GASK1A: variants seen among roughly 807,000 people sequenced by gnomAD.
The protein encoded by GASK1A is Golgi-associated kinase 1A.
Under a neutral mutation model 41.2 loss-of-function variants are expected in GASK1A, and 40 were observed. The ratio of observed to expected loss-of-function variants is 0.97; its 90% CI spans 0.75 to 1.27. The LOEUF (loss-of-function observed/expected upper bound fraction) is 1.27, where lower values mean the gene tolerates loss of function less well. GASK1A is among the 50% of genes most tolerant of loss of function. The pLI is 0.00. For synonymous variants in GASK1A, 316 were observed against 307.1 expected (o/e 1.03, Z -0.30); for missense variants, 678 against 745.1 (o/e 0.91, Z 1.05).
chr3:43,024,035 G>A (rs180720785), intron 1 of GASK1A, among the ~76,000 whole-genome samples: 27 of 152,306 alleles, frequency 1.8e-4, no homozygotes, highest in African/African-American at 4.3e-4. Context: ...CATAACGTGG[G>A]TGTGTTCACT....
chr3:43,033,004 G>C lies in GASK1A; in HGVS notation c.741G>C (p.Leu247=). The C allele has an allele frequency of 1.0e-5, 16 of 1,551,704 alleles. No individual in the cohort carries two copies. The highest frequency in any genetic ancestry group is 1.4e-5 in the Non-Finnish European group (16 of 1,146,978). The change falls in exon 2 of 5, where the codon CTG becomes CTC. Residue 247 remains leucine (L), a synonymous_variant. Transcript: ENST00000430121. Reference sequence around the variant, plus strand: ...CAGTATGGTGTGATGCTGAGACGCTGTTGAGCAGCTCGAGGACTGGTGGGC... The same window carrying C: ...CAGTATGGTGTGATGCTGAGACGCTCTTGAGCAGCTCGAGGACTGGTGGGC... The part of the protein sequence containing the change: ...QGSVWCDAET[L]LSSSRTGGQA...
intron 1 of GASK1A, among the ~76,000 whole-genome samples, chr3:42,996,018 T>C (rs1363588274): frequency 1.3e-5 from 2 of 152,198 alleles, no homozygotes; most frequent in Non-Finnish European, 2.9e-5. Context: ...TGGAACAAAA[T>C]GCTAATTCAG....
rs11460959 is a variant in GASK1A, at chr3:43,057,480, GT to G, written c.*1102del. ...ACACTTGGCATTCTCAGACTTTTGG[GT>G]TTTTTTTGGCCTATTTAGGAGGAAA... On this transcript the variant is annotated 3_prime_UTR_variant, in exon 5 of 5. Coordinates refer to ENST00000430121, the MANE Select transcript of GASK1A (RefSeq NM_001129908.3). 1.3e-5 allele frequency: 2 copies of G among 151,886 alleles called. No homozygotes were observed. Among genetic ancestry groups the G allele is most frequent in the African/African-American group, 4.8e-5 (2 of 41,304 alleles). 9.4% of individuals were successfully genotyped at this position (151,886 alleles called of 1,614,324 possible). A position where few individuals can be genotyped will look rare whatever the true frequency, so the allele number is the denominator to read the frequency against.
intron 1 of GASK1A, among the ~76,000 whole-genome samples, chr3:43,000,995 C>A (rs1002222230): frequency 6.6e-6 from 1 of 152,094 alleles, no homozygotes; most frequent in Non-Finnish European, 1.5e-5. Context: ...GGTGGAGATG[C>A]CTGGGTGCCT....
At chr3:43,009,403 A>G (rs548572046) in intron 1 of GASK1A, among the ~76,000 whole-genome samples, 4 of 152,302 alleles carry the variant, frequency 2.6e-5, no homozygotes, top group Admixed American at 2.0e-4. Flanking sequence ...ATCTGGGCGC[A>G]TTGAAAATGC....
At chr3:43,048,850 A>G (rs1245772166) in intron 2 of GASK1A, among the ~76,000 whole-genome samples, 8 of 152,232 alleles carry the variant, frequency 5.3e-5, no homozygotes, top group Non-Finnish European at 7.3e-5. Flanking sequence ...CATCTACCAT[A>G]GTTTCAGAAC....
chr3:43,017,722 A>T (rs9824700), intron 1 of GASK1A, among the ~76,000 whole-genome samples: 1 of 151,692 alleles, frequency 6.6e-6, no homozygotes, highest in African/African-American at 2.4e-5. Context: ...GTGTGAAGCC[A>T]CAGGAAGGGG....
intron 1 of GASK1A, among the ~76,000 whole-genome samples, chr3:43,012,848 AGTCACAGGAAGGGGCAATGGG>A (rs1170740239): frequency 1.3e-5 from 2 of 150,082 alleles, no homozygotes; most frequent in African/African-American, 5.0e-5. Flanking sequence ...GGCAGTGTGA[AGTCACAGGAAGGGGCAATGGG>A]GTCACAGGAA....
At chr3:42,980,934 A>G (rs1165800835) in intron 1 of GASK1A, among the ~76,000 whole-genome samples, 2 of 152,214 alleles carry the variant, frequency 1.3e-5, no homozygotes, top group African/African-American at 2.4e-5. Context: ...GGCCACAGCC[A>G]TCCACTCCGA....
At chr3:43,036,096 C>G (rs2089602727) in intron 2 of GASK1A, among the ~76,000 whole-genome samples, 1 of 152,272 alleles carries the variant, frequency 6.6e-6, no homozygotes, top group South Asian at 2.1e-4. Context: ...CAGAGCCCCT[C>G]TGTTCACCTC....
chr3:42,986,666 C>G (rs1030109442), intron 1 of GASK1A, among the ~76,000 whole-genome samples: 2 of 152,124 alleles, frequency 1.3e-5, no homozygotes, highest in Non-Finnish European at 2.9e-5. Flanking sequence ...CTCGCCCCAC[C>G]AGCTAGGGGT....
chr3:43,020,441 C>A (rs1247731622), intron 1 of GASK1A, among the ~76,000 whole-genome samples: 1 of 152,164 alleles, frequency 6.6e-6, no homozygotes, highest in African/African-American at 2.4e-5. Context: ...CACCATCATC[C>A]TCATCACAGC....
At chr3:43,009,614 A>G (rs1459183425) in intron 1 of GASK1A, among the ~76,000 whole-genome samples, 1 of 152,236 alleles carries the variant, frequency 6.6e-6, no homozygotes, top group Non-Finnish European at 1.5e-5. Context: ...TTCCTCAGCC[A>G]TAAAATGGTA....
chr3:42,982,703 A>G (rs2089288448), intron 1 of GASK1A, among the ~76,000 whole-genome samples: 1 of 152,232 alleles, frequency 6.6e-6, no homozygotes, highest in African/African-American at 2.4e-5. Context: ...CTAAGTGGAA[A>G]TCAGAAAAAT....
chr3:42,980,017 T>G (rs936546768), intron 1 of GASK1A, among the ~76,000 whole-genome samples: 1 of 152,200 alleles, frequency 6.6e-6, no homozygotes, highest in African/African-American at 2.4e-5. Context: ...TGAAGTCATT[T>G]TAATACTCTC....
intron 2 of GASK1A, among the ~76,000 whole-genome samples, chr3:43,040,883 C>CCCA (rs1275576278): frequency 3.2e-5 from 4 of 123,270 alleles, no homozygotes; most frequent in South Asian, 2.7e-4. Context: ...CCCTCCCCCC[C>CCCA]GCCACAACAG....
chr3:42,997,944 C>T (rs572902494), intron 1 of GASK1A, among the ~76,000 whole-genome samples: 7 of 152,264 alleles, frequency 4.6e-5, no homozygotes, highest in African/African-American at 1.4e-4. Flanking sequence ...TCTGGGAGGC[C>T]GTGAGGAACA....
intron 2 of GASK1A, among the ~76,000 whole-genome samples, chr3:43,050,887 C>G (rs2089685596): frequency 6.6e-6 from 1 of 152,062 alleles, no homozygotes; most frequent in African/African-American, 2.4e-5. Flanking sequence ...TCTCATTATT[C>G]ATGTAGTCTT....
In GASK1A at chr3:43,056,308, C is replaced by G. The variant is rs1196231459; in HGVS notation, c.1650C>G (p.Thr550=). ...GAQGLKQVLQ[T]LEQRGQVLLG... ...AGGGGCTGAAGCAGGTCCTCCAGAC[C>G]CTGGAGCAGCGAGGACAGGTGCTGC... Residue 550 remains threonine (T), a synonymous_variant, in exon 5 of 5, where the codon ACC becomes ACG. Coordinates refer to ENST00000430121, the MANE Select transcript of GASK1A (RefSeq NM_001129908.3). 5.8e-6 allele frequency: 9 copies of G among 1,551,460 alleles called. No homozygotes were observed. The highest frequency in any genetic ancestry group is 7.8e-6 in the Non-Finnish European group (9 of 1,146,992).
Sources: allele counts gnomAD v4.1 joint callset (sites outside exome capture counted in the v4.1 genomes callset), GRCh38; gene constraint gnomAD v4.1.1; transcripts MANE v1.5; gene names NCBI Gene and HGNC (gene_info 2026-07-23, HGNC 2026-07-21).